The following DAB1 variants were observed in gnomAD, a reference collection of about 807,000 sequenced individuals.
DAB1 encodes DAB adaptor protein 1, also known as disabled homolog 1.
A neutral mutation model predicts 64.6 loss-of-function variants in DAB1; 15 were observed. That is an observed-to-expected ratio of 0.23 (90% CI 0.16 to 0.36). The LOEUF (loss-of-function observed/expected upper bound fraction) is 0.36, where lower values mean the gene tolerates loss of function less well. Among genes scored for constraint, DAB1 ranks in the 10% least tolerant of loss-of-function variants. The pLI, the probability that DAB1 is intolerant of heterozygous loss-of-function variation, is 1.00. For missense variants in DAB1, 596 were observed against 706.7 expected, an observed-to-expected ratio of 0.84 and a Z score of 1.78; for synonymous variants, 235 against 251.9, an observed-to-expected ratio of 0.93 and a Z score of 0.64.
intron 5 of DAB1, among the ~76,000 whole-genome samples, chr1:57,902,602 A>AT (rs1054470899): frequency 3.9e-5 from 6 of 152,012 alleles, no homozygotes; most frequent in African/African-American, 1.4e-4. Context: ...TGGTCCTTGC[A>AT]TTTTTTCTCC....
intron 3 of DAB1, among the ~76,000 whole-genome samples, chr1:58,493,107 T>A (rs202043910): frequency 1.3e-5 from 2 of 151,966 alleles, no homozygotes; most frequent in South Asian, 2.1e-4. Context: ...CAAGGCTGGT[T>A]CAACATACGC....
chr1:58,290,188 G>A (rs1183133398), intron 4 of DAB1, among the ~76,000 whole-genome samples: 1 of 152,168 alleles, frequency 6.6e-6, no homozygotes, highest in Non-Finnish European at 1.5e-5. Flanking sequence ...TCTTGACAGA[G>A]AGGAATGTAA....
intron 5 of DAB1, among the ~76,000 whole-genome samples, chr1:57,914,918 C>A (rs971457546): frequency 2.0e-5 from 3 of 152,098 alleles, no homozygotes; most frequent in African/African-American, 7.2e-5. Flanking sequence ...GATTTTAGCA[C>A]CCTAACTCTT....
chr1:58,350,123 T>A (rs1644037418), intron 3 of DAB1, among the ~76,000 whole-genome samples: 1 of 152,208 alleles, frequency 6.6e-6, no homozygotes, highest in South Asian at 2.1e-4. Context: ...GTATCTGTTT[T>A]TTCCTGACTT....
chr1:57,252,281 GCTACAGTAAACCCAGTCCCTATAAT>G (rs1669405301), intron 2 of DAB1, among the ~76,000 whole-genome samples: 1 of 152,148 alleles, frequency 6.6e-6, no homozygotes, highest in Non-Finnish European at 1.5e-5. Context: ...TGAAATTTCA[GCTACAGTAAACCCAGTCCCTATAAT>G]CTAAGTCCTG....
chr1:58,496,738 C>T (rs1249378895), intron 3 of DAB1, among the ~76,000 whole-genome samples: 2 of 152,104 alleles, frequency 1.3e-5, no homozygotes, highest in Admixed American at 1.3e-4. Context: ...TCTCTCTTAC[C>T]TACCTCTTAA....
intron 7 of DAB1, among the ~76,000 whole-genome samples, chr1:57,582,989 G>C (rs913752829): frequency 1.3e-5 from 2 of 152,206 alleles, no homozygotes; most frequent in Non-Finnish European, 1.5e-5. Context: ...ATGCTGGAAT[G>C]TGAGGACGGA....
At chr1:58,293,979 T>C (rs1358596506) in intron 4 of DAB1, among the ~76,000 whole-genome samples, 2 of 152,190 alleles carry the variant, frequency 1.3e-5, no homozygotes, top group Admixed American at 6.5e-5. Flanking sequence ...GCAGAACCCA[T>C]CATGTTGGTC....
At chr1:57,913,569 G>T (rs1169101271) in intron 5 of DAB1, among the ~76,000 whole-genome samples, 1 of 152,166 alleles carries the variant, frequency 6.6e-6, no homozygotes, top group Admixed American at 6.5e-5. Context: ...AAAAGCAATG[G>T]CAACAAAAGC....
At chr1:58,456,522 A>G (rs951997614) in intron 3 of DAB1, among the ~76,000 whole-genome samples, 1 of 152,178 alleles carries the variant, frequency 6.6e-6, no homozygotes, top group Admixed American at 6.5e-5. Flanking sequence ...GTGGCAATGG[A>G]GGAGTGTGAG....
intron 1 of DAB1, among the ~76,000 whole-genome samples, chr1:58,544,335 T>C (rs182508967): frequency 7.2e-5 from 11 of 152,270 alleles, no homozygotes; most frequent in African/African-American, 1.9e-4. Context: ...CTAGAGATAC[T>C]GCAGAGAACA....
At chr1:58,035,390 C>T (rs1345055841) in intron 5 of DAB1, among the ~76,000 whole-genome samples, 1 of 152,196 alleles carries the variant, frequency 6.6e-6, no homozygotes, top group African/African-American at 2.4e-5. Flanking sequence ...ATTTGTTACA[C>T]AGCAATGGAC....
At chr1:57,815,822 A>AT (rs1651832238) in intron 6 of DAB1, among the ~76,000 whole-genome samples, 1 of 152,150 alleles carries the variant, frequency 6.6e-6, no homozygotes, top group Admixed American at 6.5e-5. Context: ...CATATCTCTA[A>AT]TTTTGCACTT....
intron 3 of DAB1, among the ~76,000 whole-genome samples, chr1:58,459,946 C>T (rs1645227166): frequency 6.6e-6 from 1 of 152,140 alleles, no homozygotes; most frequent in South Asian, 2.1e-4. Context: ...CCACTGCACT[C>T]CAGCTGGGTG....
intron 6 of DAB1, among the ~76,000 whole-genome samples, chr1:57,765,518 C>CCCA (rs1322973010): frequency 1.3e-5 from 2 of 152,156 alleles, no homozygotes; most frequent in Non-Finnish European, 2.9e-5. Context: ...CGATGACAAG[C>CCCA]CCACGTGAAA....
chr1:57,446,259 T>C (rs1020466079), intron 7 of DAB1, among the ~76,000 whole-genome samples: 24 of 152,198 alleles, frequency 1.6e-4, no homozygotes, highest in African/African-American at 5.5e-4. Context: ...ATAAACTGTA[T>C]GATGATTGCT....
chr1:58,009,594 C>G (rs1314633828), intron 5 of DAB1, among the ~76,000 whole-genome samples: 1 of 152,158 alleles, frequency 6.6e-6, no homozygotes, highest in Non-Finnish European at 1.5e-5. Context: ...AGGCTCTGCT[C>G]TTCTTCCAGT....
In DAB1 at chr1:58,392,735, C is replaced by T. The variant is rs147574274; in HGVS notation, n.258-49332G>A. On this transcript the variant is annotated intron_variant and non_coding_transcript_variant, in intron 3 of 20. Coordinates refer to the DAB1 transcript ENST00000485760. ...CCTCAGCACTTGCTTGCTTCTTAAC[C>T]CTGTCGTTGGACTTCCTGTTCACCT... Among the ~76,000 whole-genome samples, 911 of 152,308 alleles carry T rather than the reference C, an allele frequency of 6.0e-3. 6 individuals carry two copies. Among genetic ancestry groups the T allele is most frequent in the African/African-American group, 0.021 (855 of 41,566 alleles).
intron 9 of DAB1, among the ~76,000 whole-genome samples, chr1:57,041,425 C>G (rs941826468): frequency 6.6e-6 from 1 of 152,146 alleles, no homozygotes; most frequent in African/African-American, 2.4e-5. Context: ...AGTGCCACAA[C>G]AAGGGTACCA....
Sources: allele counts gnomAD v4.1 joint callset (sites outside exome capture counted in the v4.1 genomes callset), GRCh38; gene constraint gnomAD v4.1.1; transcripts MANE v1.5; gene names NCBI Gene and HGNC (gene_info 2026-07-23, HGNC 2026-07-21).